The following ENDOV variants were observed in gnomAD, a reference collection of about 807,000 sequenced individuals.
ENDOV encodes the protein endonuclease V.
ENDOV carries 37 observed loss-of-function variants against 39.4 expected under a neutral mutation model. The observed-to-expected ratio is 0.94, with a 90% CI of 0.72 to 1.23. The LOEUF (loss-of-function observed/expected upper bound fraction) is 1.23. Ranked by LOEUF, ENDOV falls within the 50% of genes most tolerant of loss-of-function variation. The pLI, the probability that ENDOV is intolerant of heterozygous loss-of-function variation, is 0.00. For missense variants in ENDOV, 441 were observed against 375.7 expected (o/e 1.17, Z -1.44); for synonymous variants, 186 against 163.4 (o/e 1.14, Z -1.05).
chr17:80,422,341 G>T, intron 4 of ENDOV, 96 bp downstream of exon 4: 2 of 1,449,084 alleles, frequency 1.4e-6, no homozygotes, highest in East Asian at 2.4e-5. Context: ...CTGGGCCCTC[G>T]GCCTCTGCCG....
chr17:80,416,722 T>TCCTTCCTTCCTC (rs1326425548), intron 2 of ENDOV, among the ~76,000 whole-genome samples: 1 of 133,080 alleles, frequency 7.5e-6, no homozygotes, highest in Admixed American at 7.6e-5. Flanking sequence ...CTTCCTTCCT[T>TCCTTCCTTCCTC]CCTTCCTTCC....
intron 7 of ENDOV, chr17:80,427,483 G>A: frequency 1.0e-6 from 1 of 985,466 alleles, no homozygotes; most frequent in South Asian, 4.7e-5. Flanking sequence ...CACCAGCAAA[G>A]AGCCTGCCAA....
In ENDOV at chr17:80,436,799, C is replaced by CA. The variant is rs2083609768; in HGVS notation, c.*656_*657insA. The CA allele has an allele frequency of 2.0e-5, 3 of 151,408 alleles. No homozygotes were observed. Among genetic ancestry groups the CA allele is most frequent in the African/African-American group, 7.7e-5 (3 of 39,150 alleles). 9.4% of individuals were successfully genotyped at this position (151,408 alleles called of 1,614,324 possible). On this transcript the variant is annotated 3_prime_UTR_variant, in exon 10 of 10. Transcript: ENST00000518137. ...TTGGGTTAGGAAATGTTCTCTCCTCCGTTTTTTTTGGAAGAGAGAGATTGG... is the reference window on the plus strand; with the variant it reads ...TTGGGTTAGGAAATGTTCTCTCCTCCAGTTTTTTTTGGAAGAGAGAGATTGG...
intron 9 of ENDOV, chr17:80,430,067 G>C (rs1568251429): frequency 1.3e-6 from 2 of 1,535,788 alleles, no homozygotes; most frequent in East Asian, 4.9e-5. Flanking sequence ...CCAAAGACAG[G>C]CTGACCGCAC....
intron 2 of ENDOV, chr17:80,416,065 C>T: frequency 2.5e-6 from 1 of 400,796 alleles, no homozygotes; most frequent in Non-Finnish European, 4.5e-6. Context: ...TGGAGAAACC[C>T]GGTCTCTACT....
chr17:80,432,509 C>A (rs1186160282), intron 9 of ENDOV, among the ~76,000 whole-genome samples: 1 of 152,060 alleles, frequency 6.6e-6, no homozygotes, highest in African/African-American at 2.4e-5. Flanking sequence ...GTAACACCAA[C>A]CGAGCACAGC....
Position 80,437,411 on chromosome 17 carries a change from G to C in ENDOV, c.*1268G>C, listed in dbSNP as rs1379488679. On this transcript the variant is annotated 3_prime_UTR_variant, in exon 10 of 10. Transcript: ENST00000518137. The stretch of plus-strand genomic sequence containing the variant: ...GGAGCAGGGTTTCAGGAGGACAGTG[G>C]GGGTGGTGTAGAACTCATGGCTGGC... 6.5e-6 allele frequency: 1 copy of C among 152,774 alleles called. No homozygotes were observed. Among genetic ancestry groups the C allele is most frequent in the African/African-American group, 2.4e-5 (1 of 41,468 alleles). The allele number at this position is 152,774 out of a possible 1,614,324, so 9.5% of individuals were successfully genotyped here.
intron 4 of ENDOV, among the ~76,000 whole-genome samples, chr17:80,423,297 CAG>C (rs1168181210): frequency 6.6e-6 from 1 of 152,258 alleles, no homozygotes; most frequent in Non-Finnish European, 1.5e-5. Context: ...CTGACCGTGT[CAG>C]AGAGAAGGAG....
At chr17:80,431,492 C>T (rs1038396575) in intron 9 of ENDOV, among the ~76,000 whole-genome samples, 5 of 152,180 alleles carry the variant, frequency 3.3e-5, no homozygotes, top group African/African-American at 1.2e-4. Context: ...GCACCTTGTG[C>T]CTAAAGTCAC....
chr17:80,437,914 T>C lies in ENDOV; in HGVS notation c.*1771T>C, dbSNP rs2083643550. The C allele has an allele frequency of 1.3e-5, 2 of 152,186 alleles. No individual in the cohort carries two copies. Among genetic ancestry groups the C allele is most frequent in the Non-Finnish European group, 2.9e-5 (2 of 68,048 alleles). 9.4% of individuals were successfully genotyped at this position (152,186 alleles called of 1,614,324 possible). On this transcript the variant is annotated 3_prime_UTR_variant, in exon 10 of 10. Coordinates refer to ENST00000518137, the MANE Select transcript of ENDOV (RefSeq NM_173627.5). ...GCTGTAATGTAACTTCGGAGCCAGC[T>C]GGATGGATGTGACTGTGCAGGTCCT...
Position 80,429,993 on chromosome 17 carries a change from C to A in ENDOV, c.838+162C>A, listed in dbSNP as rs372441992. 5.2e-6 allele frequency: 8 copies of A among 1,540,136 alleles called. No individual in the cohort carries two copies. In the East Asian group the frequency reaches 1.5e-4, roughly 28 times the overall value. ...CGTTCTGGCCTCAGGACACTGACCA[C>A]CCCTGGGGGTGGTCTAGGGACTTAG... On this transcript the variant is annotated intron_variant, in intron 9 of 9. Transcript: ENST00000518137.
intron 2 of ENDOV, chr17:80,419,705 T>C (rs2081730207): frequency 2.9e-6 from 2 of 701,366 alleles, no homozygotes; most frequent in Non-Finnish European, 5.2e-6. Flanking sequence ...TGCGATGACG[T>C]CCAGCTTCTT....
At chr17:80,418,988 G>A (rs1233318393) in intron 2 of ENDOV, among the ~76,000 whole-genome samples, 3 of 151,952 alleles carry the variant, frequency 2.0e-5, no homozygotes, top group African/African-American at 2.4e-5. Flanking sequence ...TGGCTAACAC[G>A]GTGAAACCCT....
chr17:80,422,270 GGAGGGCACTGTGGGGAAGAGCGGGGGGA>G (rs773816727), intron 4 of ENDOV, 25 bp downstream of exon 4: 34 of 1,613,118 alleles, frequency 2.1e-5, no homozygotes, highest in Middle Eastern at 3.3e-4. Context: ...GGAGGTCCAG[GGAGGGCACTGTGGGGAAGAGCGGGGGGA>G]GAGGGCACCT....
intron 8 of ENDOV, 37 bp downstream of exon 8, chr17:80,428,697 T>C: frequency 6.5e-7 from 1 of 1,548,376 alleles, no homozygotes; most frequent in Non-Finnish European, 8.7e-7. Context: ...TAAAGGGGCA[T>C]CTCACAGACA....
chr17:80,429,443 C>G (rs1438823940), intron 8 of ENDOV, among the ~76,000 whole-genome samples: 1 of 152,210 alleles, frequency 6.6e-6, no homozygotes, highest in Admixed American at 6.5e-5. Flanking sequence ...TCGCCCTGCC[C>G]TCGCCCACGA....
At chr17:80,432,530 G>A (rs1296372652) in intron 9 of ENDOV, among the ~76,000 whole-genome samples, 1 of 152,104 alleles carries the variant, frequency 6.6e-6, no homozygotes, top group African/African-American at 2.4e-5. Flanking sequence ...CGTTGTCCTG[G>A]GGCATGCCGT....
At chr17:80,425,203 C>A in intron 6 of ENDOV, 103 bp downstream of exon 6, 1 of 1,029,496 alleles carries the variant, frequency 9.7e-7, no homozygotes, top group Non-Finnish European at 1.4e-6. Flanking sequence ...CACTTGCCCA[C>A]ATCAACCCCC....
chr17:80,423,535 G>T lies in ENDOV; in HGVS notation c.419G>T (p.Cys140Phe). 6 of 1,550,348 alleles carry T rather than the reference G, an allele frequency of 3.9e-6. No homozygotes were observed. Among genetic ancestry groups the T allele is most frequent in the Non-Finnish European group, 5.2e-6 (6 of 1,146,586 alleles). ...TCTCTGGCAGGCTTTGGGGTGGCCT[G>T]CCACCTTGGCGTCCTTACAGACCTG... ...VLHHRGFGVA[C>F]HLGVLTDLPC... is the part of the protein sequence containing the mutation. The change falls in exon 5 of 10, where the codon TGC (cysteine) becomes TTC (phenylalanine). Residue 140 changes from cysteine (C) to phenylalanine (F), a missense_variant. Cys to Phe is a radical substitution (Grantham distance 205). Transcript: ENST00000518137.
Sources: gnomAD v4.1 joint callset for allele counts (sites outside exome capture counted in the v4.1 genomes callset) on GRCh38, gnomAD v4.1.1 for gene constraint, MANE v1.5 for transcripts, NCBI Gene and HGNC (gene_info 2026-07-23, HGNC 2026-07-21) for gene names.